The following TTLL4 variants were observed in gnomAD, a reference collection of about 807,000 sequenced individuals.
The protein encoded by TTLL4 is tubulin monoglutamylase TTLL4.
A neutral mutation model predicts 122.7 loss-of-function variants in TTLL4; 85 were observed. The ratio of observed to expected loss-of-function variants is 0.69; its 90% CI spans 0.58 to 0.83. The LOEUF is 0.83. TTLL4 is among the 40% of genes least tolerant of loss of function. The pLI is 0.00. For synonymous variants in TTLL4, 553 were observed against 563.0 expected (o/e 0.98, Z 0.25); for missense variants, 1,363 against 1,488.6 (o/e 0.92, Z 1.39).
downstream of TTLL4, among the ~76,000 whole-genome samples, chr2:218,758,720 T>C (rs530786483): frequency 8.5e-4 from 129 of 152,282 alleles, 3 homozygotes; most frequent in South Asian, 0.019. Flanking sequence ...TACTGAGATA[T>C]TGAGAAGGTG....
At chr2:218,716,934 T>C (rs939167452) in intron 1 of TTLL4, among the ~76,000 whole-genome samples, 6 of 152,256 alleles carry the variant, frequency 3.9e-5, no homozygotes, top group Admixed American at 2.6e-4. Flanking sequence ...TACTCATTAT[T>C]GCTTTTGCTC....
intron 1 of TTLL4, among the ~76,000 whole-genome samples, chr2:218,711,651 A>G (rs1476925594): frequency 2.0e-5 from 3 of 152,160 alleles, no homozygotes; most frequent in African/African-American, 4.8e-5. Context: ...TAGGACAAGC[A>G]TGTTTTCACG....
chr2:218,715,250 GAT>G (rs1299947777), intron 1 of TTLL4, among the ~76,000 whole-genome samples: 1 of 152,226 alleles, frequency 6.6e-6, no homozygotes, highest in Non-Finnish European at 1.5e-5. Flanking sequence ...GCTGCACACA[GAT>G]GGCTGGAAAA....
At chr2:218,740,311 C>A in intron 4 of TTLL4, 144 bp downstream of exon 4, 1 of 913,132 alleles carries the variant, frequency 1.1e-6, no homozygotes, top group Admixed American at 2.4e-5. Context: ...GTAGTGCCTT[C>A]TAGAGGACTT....
chr2:218,752,711 C>T (rs1943053774), intron 16 of TTLL4, 52 bp from the exon 17 acceptor site: 1 of 1,598,312 alleles, frequency 6.3e-7, no homozygotes, highest in East Asian at 2.2e-5. Flanking sequence ...GAGTCTCTGC[C>T]CCTGGCTTAC....
Position 218,738,298 on chromosome 2 carries a change from C to A in TTLL4, c.622C>A (p.Pro208Thr). 1 of 1,614,056 alleles carries A rather than the reference C, an allele frequency of 6.2e-7. No homozygotes were observed. Among genetic ancestry groups the A allele is most frequent in the Non-Finnish European group, 8.5e-7 (1 of 1,179,970 alleles). Residue 208 changes from proline (P) to threonine (T), a missense_variant, in exon 3 of 20, where the codon CCA becomes ACA. By Grantham distance (38) the Pro-to-Thr change is conservative. This residue lies in a region of TTLL4 where 760 missense variants were observed against 808.4 expected (regional missense o/e 0.94). Transcript: ENST00000392102. ...ASAISGKIPS[P>T]LSSSYKPMLN... is the part of the protein sequence containing the mutation. The stretch of plus-strand genomic sequence containing the variant: ...TGCCATCTCAGGGAAGATCCCATCT[C>A]CACTCTCTTCCTCCTATAAGCCCAT...
chr2:218,742,032 C>G (rs1402938949), intron 5 of TTLL4, among the ~76,000 whole-genome samples: 1 of 152,142 alleles, frequency 6.6e-6, no homozygotes, highest in Admixed American at 6.6e-5. Context: ...TCCATCATAG[C>G]TTACTGTAAC....
rs1172461360 is a variant in TTLL4, at chr2:218,737,819, A to G, written c.143A>G (p.Gln48Arg). 1 of 1,614,242 alleles carries G rather than the reference A, an allele frequency of 6.2e-7. No homozygotes were observed. The highest frequency in any genetic ancestry group is 1.7e-5 in the Admixed American group (1 of 60,026). Residue 48 changes from glutamine to arginine, a missense_variant, in exon 3 of 20, where the codon CAA (glutamine) becomes CGA (arginine). Transcript: ENST00000392102. ...EGRVWPQAHQ[Q>R]VKPIWKLEKK... is the part of the protein sequence containing the mutation. ...AGAGTCTGGCCTCAGGCCCATCAGCAAGTGAAGCCAATCTGGAAGCTGGAA... is the reference window on the plus strand; with the variant it reads ...AGAGTCTGGCCTCAGGCCCATCAGCGAGTGAAGCCAATCTGGAAGCTGGAA...
Position 218,754,527 on chromosome 2 carries a change from A to C in TTLL4, c.*138A>C, listed in dbSNP as rs1280262285. 6.0e-6 allele frequency: 7 copies of C among 1,173,214 alleles called. No individual in the cohort carries two copies. The African/African-American group carries it at 9.3e-5, about 16-fold the overall frequency. 72.7% of individuals were successfully genotyped at this position (1,173,214 alleles called of 1,614,324 possible). On this transcript the variant is annotated 3_prime_UTR_variant, in exon 20 of 20. Transcript: ENST00000392102. ...TCAGAGTATTTTTTGAAGTGGTTGC[A>C]TTATAGAGATGGGTATTTGTAGGGC...
chr2:218,749,156 T>C, intron 13 of TTLL4, 97 bp from the exon 14 acceptor site: 2 of 1,542,916 alleles, frequency 1.3e-6, no homozygotes, highest in Non-Finnish European at 1.8e-6. Context: ...GGGTTGCTTC[T>C]GCCTGCCTAT....
intron 1 of TTLL4, among the ~76,000 whole-genome samples, chr2:218,722,113 C>G (rs1258414787): frequency 6.6e-6 from 1 of 152,046 alleles, no homozygotes; most frequent in Non-Finnish European, 1.5e-5. Flanking sequence ...AAGACCTTAT[C>G]TCTACAAAAA....
Position 218,748,239 on chromosome 2 carries a change from A to G in TTLL4, c.2501+12A>G, listed in dbSNP as rs763570810. 1.1e-5 allele frequency: 17 copies of G among 1,613,990 alleles called. No homozygotes were observed. Among genetic ancestry groups the G allele is most frequent in the Non-Finnish European group, 1.4e-5 (17 of 1,179,952 alleles). On this transcript the variant is annotated intron_variant, in intron 12 of 19. Coordinates refer to ENST00000392102, the MANE Select transcript of TTLL4 (RefSeq NM_014640.5). ...CAGGGCCACAAATGGTACTGAGGGC[A>G]GAGTGTCCCAGTCCAGTGAAGGCCT...
chr2:218,753,780 T>G (rs1575186461), intron 19 of TTLL4, 111 bp downstream of exon 19: 1 of 1,206,704 alleles, frequency 8.3e-7, no homozygotes, highest in East Asian at 2.3e-5. Context: ...CAGCTGGGGG[T>G]TGGTGGGAGC....
Position 218,711,034 on chromosome 2 carries a change from C to T in TTLL4, c.-181C>T, listed in dbSNP as rs935142235. 6.6e-6 allele frequency: 1 copy of T among 152,522 alleles called. No homozygotes were observed. Among genetic ancestry groups the T allele is most frequent in the African/African-American group, 2.4e-5 (1 of 41,466 alleles). 9.4% of individuals were successfully genotyped at this position (152,522 alleles called of 1,614,324 possible). A position where few individuals can be genotyped will look rare whatever the true frequency, so the allele number is the denominator to read the frequency against. On this transcript the variant is annotated 5_prime_UTR_variant, in exon 1 of 20. Transcript: ENST00000392102. ...CCGAGCCGGGGCGAAGCTGGATCCC[C>T]TAGGTGAGTGCGGCTGCGGAGCCAG...
intron 1 of TTLL4, among the ~76,000 whole-genome samples, chr2:218,716,046 C>T (rs984871896): frequency 1.2e-4 from 19 of 152,176 alleles, no homozygotes; most frequent in African/African-American, 4.1e-4. Context: ...AGATCTCCCA[C>T]GTGTCACAGT....
Position 218,738,268 on chromosome 2 carries a change from G to A in TTLL4, c.592G>A (p.Ala198Thr). 1 of 1,614,058 alleles carries A rather than the reference G, an allele frequency of 6.2e-7. No homozygotes were observed. Among genetic ancestry groups the A allele is most frequent in the Non-Finnish European group, 8.5e-7 (1 of 1,180,018 alleles). ...AGENPSGKSL[A>T]SAISGKIPSP... ...GGAAAACCCTTCAGGGAAGAGCCTG[G>A]CCTCTGCCATCTCAGGGAAGATCCC... Residue 198 changes from alanine (A) to threonine (T), a missense_variant, in exon 3 of 20, where the codon GCC (alanine) becomes ACC (threonine). Transcript: ENST00000392102.
chr2:218,742,874 G>C (rs565252627), intron 5 of TTLL4, among the ~76,000 whole-genome samples: 3 of 152,168 alleles, frequency 2.0e-5, no homozygotes, highest in Non-Finnish European at 2.9e-5. Flanking sequence ...TGTAACCCCA[G>C]CACTTTGGGA....
intron 2 of TTLL4, among the ~76,000 whole-genome samples, chr2:218,729,777 A>C (rs1315870014): frequency 1.7e-4 from 25 of 150,408 alleles, no homozygotes; most frequent in East Asian, 3.9e-4. Context: ...AAAAAAAAAA[A>C]CAGGATCTTA....
intron 1 of TTLL4, among the ~76,000 whole-genome samples, chr2:218,721,931 T>C (rs1354371808): frequency 6.6e-6 from 1 of 151,860 alleles, no homozygotes. Context: ...CGAGACCAAC[T>C]GGGGCAACAT....
Sources: gnomAD v4.1 joint callset for allele counts (sites outside exome capture counted in the v4.1 genomes callset) on GRCh38, gnomAD v4.1.1 for gene constraint, gnomAD v4.1.1 regional missense constraint, MANE v1.5 for transcripts, NCBI Gene and HGNC (gene_info 2026-07-23, HGNC 2026-07-21) for gene names.